Variants in B3GNT5 observed in about 807,000 individuals in gnomAD.
B3GNT5 encodes the protein lactosylceramide 1,3-N-acetyl-beta-D-glucosaminyltransferase.
B3GNT5 carries 11 observed loss-of-function variants against 25.9 expected under a neutral mutation model. That is an observed-to-expected ratio of 0.42 (90% CI 0.27 to 0.70). B3GNT5 has a LOEUF of 0.70. Ranked by LOEUF, B3GNT5 falls within the 30% of genes least tolerant of loss-of-function variation. The probability of loss-of-function intolerance (pLI) is 0.23; values close to 1 mark genes in which losing one functional copy is unlikely to be tolerated. For missense variants in B3GNT5, 385 were observed against 458.4 expected (o/e 0.84, Z 1.46); for synonymous variants, 166 against 158.6 (o/e 1.05, Z -0.35).
Position 183,269,719 on chromosome 3 carries a change from CG to C in B3GNT5, c.-79del. 8 of 1,327,240 alleles carry C rather than the reference CG, an allele frequency of 6.0e-6. No homozygotes were observed. The highest frequency in any genetic ancestry group is 8.3e-6 in the Non-Finnish European group (8 of 964,432). 82.2% of individuals were successfully genotyped at this position (1,327,240 alleles called of 1,614,324 possible). On this transcript the variant is annotated 5_prime_UTR_variant, in exon 2 of 2. An upstream open reading frame in the 5' UTR loses its in-frame stop. Transcript: ENST00000326505. ...TGTATTAAGATGGACACCTACTCTA[CG>C]AAACACGAAGTTCTATGGTCTCGAA...
chr3:183,262,758 C>T (rs541201361), intron 1 of B3GNT5, among the ~76,000 whole-genome samples: 3 of 151,900 alleles, frequency 2.0e-5, no homozygotes, highest in Non-Finnish European at 2.9e-5. Flanking sequence ...TTAGCATGGC[C>T]GCTGAAGAGA....
intron 1 of B3GNT5, among the ~76,000 whole-genome samples, chr3:183,262,861 T>C (rs1292226096): frequency 6.6e-6 from 1 of 152,012 alleles, no homozygotes; most frequent in Non-Finnish European, 1.5e-5. Context: ...GTGGTGACGC[T>C]GCCTGCCTGG....
chr3:183,257,364 C>T (rs1407344196), intron 1 of B3GNT5, among the ~76,000 whole-genome samples: 1 of 152,096 alleles, frequency 6.6e-6, no homozygotes, highest in Non-Finnish European at 1.5e-5. Flanking sequence ...ATTTATTGAC[C>T]CTTTGATAGA....
chr3:183,264,275 T>A (rs1237317951), intron 1 of B3GNT5, among the ~76,000 whole-genome samples: 2 of 152,208 alleles, frequency 1.3e-5, no homozygotes, highest in Admixed American at 1.3e-4. Context: ...TGCAGCCACC[T>A]AAATCCTAGT....
At position 183,269,904 on chromosome 3, in the gene B3GNT5, G is replaced by A. The variant is rs150075589; in HGVS notation, c.106G>A (p.Asp36Asn). The change falls in exon 2 of 2, where the codon GAT becomes AAT. Residue 36 changes from aspartate to asparagine, a missense_variant. Physicochemically the swap from Asp to Asn is conservative, Grantham distance 23. Coordinates refer to ENST00000326505, the MANE Select transcript of B3GNT5 (RefSeq NM_032047.5). ...CCTCATGTTTTTTTGGGAACCAATC[G>A]ATAATCACATTGTGAGCCATATGAA... ...ASLMFFWEPI[D>N]NHIVSHMKSY... 1.7e-5 allele frequency: 27 copies of A among 1,613,862 alleles called. No individual in the cohort carries two copies. Among genetic ancestry groups the A allele is most frequent in the Admixed American group, 1.7e-4 (10 of 59,970 alleles).
chr3:183,254,066 G>GCCCCGC (rs1475300664), intron 1 of B3GNT5: 3 of 151,928 alleles, frequency 2.0e-5, no homozygotes, highest in Non-Finnish European at 4.4e-5. Context: ...CGGCCCCTCC[G>GCCCCGC]CCCCGCCCCC....
chr3:183,270,740 C>T lies in B3GNT5; in HGVS notation c.942C>T (p.Cys314=). The T allele has an allele frequency of 6.2e-7, 1 of 1,613,344 alleles. No individual in the cohort carries two copies. The highest frequency in any genetic ancestry group is 8.5e-7 in the Non-Finnish European group (1 of 1,179,736). Residue 314 remains cysteine (C), a synonymous_variant, in exon 2 of 2, where the codon TGC becomes TGT. Transcript: ENST00000326505. This position sits in a 1 kb window ranked among gnomAD's most constrained non-coding sequence, Gnocchi z 4.5. Reference sequence around the variant, plus strand: ...AGGGTAAAACTCCTTATCATCCCTGCATCTATGAAAAAATGATGACATCTC... The same window carrying T: ...AGGGTAAAACTCCTTATCATCCCTGTATCTATGAAAAAATGATGACATCTC... ...SGEGKTPYHP[C]IYEKMMTSHG... is the part of the protein sequence containing the mutation.
intron 1 of B3GNT5, among the ~76,000 whole-genome samples, chr3:183,269,130 A>G (rs989798918): frequency 2.6e-5 from 4 of 151,032 alleles, no homozygotes; most frequent in African/African-American, 9.8e-5. Context: ...TGATCTATGT[A>G]TCTGCTTTCA....
Position 183,272,721 on chromosome 3 carries a change from A to G in B3GNT5, c.*1786A>G, listed in dbSNP as rs1726883855. On this transcript the variant is annotated 3_prime_UTR_variant, in exon 2 of 2. Coordinates refer to ENST00000326505, the MANE Select transcript of B3GNT5 (RefSeq NM_032047.5). ...GAACAAAAGCATATTTGACCAAGCA[A>G]CAAGCTTATAATTAATTTTTATTAG... 2 of 1,027,736 alleles carry G rather than the reference A, an allele frequency of 1.9e-6. No individual in the cohort carries two copies. Among genetic ancestry groups the G allele is most frequent in the Non-Finnish European group, 2.4e-6 (2 of 848,184 alleles). The allele number at this position is 1,027,736 out of a possible 1,614,324, so 63.7% of individuals were successfully genotyped here.
At chr3:183,259,027 A>G (rs1431220433) in intron 1 of B3GNT5, among the ~76,000 whole-genome samples, 1 of 152,202 alleles carries the variant, frequency 6.6e-6, no homozygotes, top group Non-Finnish European at 1.5e-5. Context: ...CACGACCATA[A>G]ATTTTTTTTT....
chr3:183,270,087 G>A lies in B3GNT5; in HGVS notation c.289G>A (p.Ala97Thr). 6.2e-7 allele frequency: 1 copy of A among 1,614,164 alleles called. No individual in the cohort carries two copies. The highest frequency in any genetic ancestry group is 8.5e-7 in the Non-Finnish European group (1 of 1,180,038). ...DVLLLLFVKTAPENYDRRSGI... is the reference protein window; with the variant it reads ...DVLLLLFVKTTPENYDRRSGI... ...CCTCCTTTTACTGTTTGTAAAAACT[G>A]CTCCTGAAAACTATGATCGACGTTC... Residue 97 changes from alanine (A) to threonine (T), a missense_variant, in exon 2 of 2, where the codon GCT (alanine) becomes ACT (threonine). Coordinates refer to ENST00000326505, the MANE Select transcript of B3GNT5 (RefSeq NM_032047.5). The surrounding 1 kb of genome is among the most constrained non-coding windows in gnomAD (Gnocchi z 4.5).
At chr3:183,262,631 G>A (rs1725720934) in intron 1 of B3GNT5, among the ~76,000 whole-genome samples, 1 of 151,708 alleles carries the variant, frequency 6.6e-6, no homozygotes, top group Non-Finnish European at 1.5e-5. Context: ...CCATGAGGAG[G>A]CGGCCCAGAA....
At chr3:183,265,084 C>T (rs1231702915) in intron 1 of B3GNT5, among the ~76,000 whole-genome samples, 1 of 152,190 alleles carries the variant, frequency 6.6e-6, no homozygotes, top group Non-Finnish European at 1.5e-5. Flanking sequence ...TTTCTATTTC[C>T]TATTTTCAGC....
Position 183,273,355 on chromosome 3 carries a change from CTA to C in B3GNT5, c.*2423_*2424del. The stretch of plus-strand genomic sequence containing the variant: ...AATAATTAGTGAGTTTAAAAAAAAT[CTA>C]TAGTTTCCAATAAACAACTGAAAAA... On this transcript the variant is annotated 3_prime_UTR_variant, in exon 2 of 2. Transcript: ENST00000326505. 4.5e-6 allele frequency: 1 copy of C among 221,952 alleles called. No individual in the cohort carries two copies. Among genetic ancestry groups the C allele is most frequent in the Non-Finnish European group, 9.5e-6 (1 of 105,698 alleles). 13.7% of individuals were successfully genotyped at this position (221,952 alleles called of 1,614,324 possible).
chr3:183,265,471 T>C (rs1726010055), intron 1 of B3GNT5: 2 of 152,282 alleles, frequency 1.3e-5, no homozygotes, highest in Non-Finnish European at 2.9e-5. Flanking sequence ...AGCTGTGCTT[T>C]AGAGAAGCTT....
In B3GNT5 at chr3:183,253,314, G is replaced by C. The variant is rs1183708399; in HGVS notation, c.-460G>C. On this transcript the variant is annotated 5_prime_UTR_variant, in exon 1 of 2. Transcript: ENST00000326505. ...GTCCAGCGCTGCCCGTCCAGTCCTC[G>C]CCCAAGATTTAAAGCCCGCAAGTTT... 1 of 150,290 alleles carries C rather than the reference G, an allele frequency of 6.7e-6. No homozygotes were observed. The highest frequency in any genetic ancestry group is 1.5e-5 in the Non-Finnish European group (1 of 67,520). The allele number at this position is 150,290 out of a possible 1,614,324, so 9.3% of individuals were successfully genotyped here. A position where few individuals can be genotyped will look rare whatever the true frequency, so the allele number is the denominator to read the frequency against.
chr3:183,261,533 G>A (rs1725583503), intron 1 of B3GNT5, among the ~76,000 whole-genome samples: 1 of 152,066 alleles, frequency 6.6e-6, no homozygotes, highest in South Asian at 2.1e-4. Flanking sequence ...GTGACTCACC[G>A]GAGGAGCCTT....
At chr3:183,263,641 C>A (rs1270321029) in intron 1 of B3GNT5, among the ~76,000 whole-genome samples, 1 of 152,036 alleles carries the variant, frequency 6.6e-6, no homozygotes, top group Non-Finnish European at 1.5e-5. Context: ...CTCAGAGTAC[C>A]CACCTGGATC....
At chr3:183,264,160 A>G (rs952981611) in intron 1 of B3GNT5, among the ~76,000 whole-genome samples, 1 of 152,150 alleles carries the variant, frequency 6.6e-6, no homozygotes, top group East Asian at 1.9e-4. Context: ...AGACTCCTCT[A>G]CCTGATTTTC....
Sources: allele counts gnomAD v4.1 joint callset (sites outside exome capture counted in the v4.1 genomes callset), GRCh38; gene constraint gnomAD v4.1.1; non-coding constraint Gnocchi (gnomAD v3.1); transcripts MANE v1.5; gene names NCBI Gene and HGNC (gene_info 2026-07-23, HGNC 2026-07-21).